Variants in EYS observed in about 807,000 individuals in gnomAD.
The protein encoded by EYS is protein eyes shut homolog.
EYS carries 250 observed loss-of-function variants against 282.1 expected under a neutral mutation model. The ratio of observed to expected loss-of-function variants is 0.89; its 90% CI spans 0.80 to 0.98. The LOEUF is 0.98. Ranked by LOEUF, EYS falls within the 50% of genes least tolerant of loss-of-function variation. The pLI is 0.00. For missense variants in EYS, 4,016 were observed against 3,709.0 expected, an observed-to-expected ratio of 1.08 and a Z score of -2.15; for synonymous variants, 1,355 against 1,282.9, an observed-to-expected ratio of 1.06 and a Z score of -1.20.
Position 63,884,350 on chromosome 6 carries a change from G to GT in EYS, c.7056-19993dup, listed in dbSNP as rs572830532. Among the ~76,000 whole-genome samples, 411 of 152,000 alleles carry GT rather than the reference G, an allele frequency of 2.7e-3. 2 individuals are homozygous for GT. Among genetic ancestry groups the GT allele is most frequent in the African/African-American group, 9.5e-3 (396 of 41,482 alleles). ...TTTTAGATGCAGCTGTCCTTTACTG[G>GT]TAACTTTTCACTTATTTTTAGTTTT... On this transcript the variant is annotated intron_variant, in intron 35 of 42. Transcript: ENST00000503581.
At chr6:64,037,376 A>G (rs1770172613) in intron 33 of EYS, among the ~76,000 whole-genome samples, 1 of 152,228 alleles carries the variant, frequency 6.6e-6, no homozygotes, top group African/African-American at 2.4e-5. Flanking sequence ...TACAATCTAG[A>G]AAACAAATAG....
chr6:63,885,855 T>A (rs941300751), intron 35 of EYS, among the ~76,000 whole-genome samples: 6 of 152,216 alleles, frequency 3.9e-5, no homozygotes, highest in African/African-American at 1.4e-4. Flanking sequence ...CTGTTGTAGA[T>A]GTAATCATTG....
intron 12 of EYS, among the ~76,000 whole-genome samples, chr6:65,184,993 T>A (rs999467742): frequency 3.3e-5 from 5 of 151,180 alleles, no homozygotes; most frequent in African/African-American, 1.2e-4. Context: ...TAAAAATAAA[T>A]TTGAAGTGGG....
chr6:64,509,404 C>T (rs756085329), intron 26 of EYS, among the ~76,000 whole-genome samples: 14 of 152,088 alleles, frequency 9.2e-5, no homozygotes, highest in Non-Finnish European at 1.5e-4. Context: ...CAGAATTCCT[C>T]GCACCTACTC....
intron 2 of EYS, among the ~76,000 whole-genome samples, chr6:65,499,487 A>T (rs1732159528): frequency 6.6e-6 from 1 of 151,954 alleles, no homozygotes; most frequent in African/African-American, 2.4e-5. Context: ...TTCATGTTTC[A>T]CTTCTTTAAG....
chr6:64,732,143 A>G (rs1481015246), intron 22 of EYS, among the ~76,000 whole-genome samples: 1 of 151,914 alleles, frequency 6.6e-6, no homozygotes, highest in Non-Finnish European at 1.5e-5. Flanking sequence ...GAGGAACATC[A>G]CACACTGGGG....
chr6:65,580,142 CT>C (rs1352788348), intron 2 of EYS, among the ~76,000 whole-genome samples: 1 of 152,038 alleles, frequency 6.6e-6, no homozygotes, highest in African/African-American at 2.4e-5. Context: ...AGAAAAATAT[CT>C]GTATCCTCAG....
At chr6:63,886,732 G>A (rs932250645) in intron 35 of EYS, among the ~76,000 whole-genome samples, 2 of 152,014 alleles carry the variant, frequency 1.3e-5, no homozygotes, top group African/African-American at 4.8e-5. Flanking sequence ...ACATTTTTGG[G>A]AGATGGCGAT....
intron 34 of EYS, among the ~76,000 whole-genome samples, chr6:63,987,421 A>C (rs942903211): frequency 6.6e-6 from 1 of 151,714 alleles, no homozygotes; most frequent in African/African-American, 2.4e-5. Context: ...AATGATGCTA[A>C]AATCAGTTTA....
chr6:64,263,884 GA>G (rs768610556), intron 30 of EYS, among the ~76,000 whole-genome samples: 70 of 152,082 alleles, frequency 4.6e-4, no homozygotes, highest in Non-Finnish European at 9.6e-4. Flanking sequence ...AAAAGAACAA[GA>G]TAAAGCCTGC....
At chr6:65,455,240 A>T (rs1304613) in intron 5 of EYS, among the ~76,000 whole-genome samples, 1 of 151,946 alleles carries the variant, frequency 6.6e-6, no homozygotes, top group African/African-American at 2.4e-5. Context: ...TGATTCTTAC[A>T]TATCTTATTT....
chr6:64,808,257 A>ACAATGT (rs974698103), intron 22 of EYS, among the ~76,000 whole-genome samples: 3 of 152,120 alleles, frequency 2.0e-5, no homozygotes, highest in Admixed American at 1.3e-4. Flanking sequence ...ACTGATGTAG[A>ACAATGT]CAATGTCATA....
chr6:65,108,531 G>A (rs1775112925), intron 12 of EYS, among the ~76,000 whole-genome samples: 5 of 152,058 alleles, frequency 3.3e-5, no homozygotes, highest in South Asian at 2.1e-4. Context: ...TTAAATGTGT[G>A]TTCATTTTCT....
intron 22 of EYS, among the ~76,000 whole-genome samples, chr6:64,690,825 G>GT (rs1293228177): frequency 1.3e-5 from 2 of 151,832 alleles, no homozygotes; most frequent in Non-Finnish European, 2.9e-5. Context: ...ACTGGGGCCT[G>GT]TCCTGGGGTG....
At chr6:64,497,092 G>T (rs1010384719) in intron 26 of EYS, among the ~76,000 whole-genome samples, 1 of 151,968 alleles carries the variant, frequency 6.6e-6, no homozygotes, top group Non-Finnish European at 1.5e-5. Flanking sequence ...ACTACTATTT[G>T]CCAGAAACCA....
At chr6:65,668,709 C>T (rs1768281074) in intron 1 of EYS, among the ~76,000 whole-genome samples, 1 of 151,836 alleles carries the variant, frequency 6.6e-6, no homozygotes, top group African/African-American at 2.4e-5. Context: ...TAAAGATTAC[C>T]TTTCAAGATC....
intron 36 of EYS, among the ~76,000 whole-genome samples, chr6:63,862,799 A>G (rs1347860858): frequency 6.6e-6 from 1 of 151,776 alleles, no homozygotes; most frequent in Non-Finnish European, 1.5e-5. Flanking sequence ...CTTTTTATAA[A>G]AATGACTTGG....
chr6:64,457,216 T>C (rs1253432236), intron 26 of EYS, among the ~76,000 whole-genome samples: 4 of 152,044 alleles, frequency 2.6e-5, no homozygotes, highest in South Asian at 4.1e-4. Context: ...TATACCACCA[T>C]GGTCGAAAAT....
chr6:64,095,174 C>T (rs1381816120), intron 31 of EYS, among the ~76,000 whole-genome samples: 1 of 152,062 alleles, frequency 6.6e-6, no homozygotes, highest in African/African-American at 2.4e-5. Flanking sequence ...TTACTTCCAA[C>T]CATGTGGTCA....
Sources: allele counts gnomAD v4.1 joint callset (sites outside exome capture counted in the v4.1 genomes callset), GRCh38; gene constraint gnomAD v4.1.1; transcripts MANE v1.5; gene names NCBI Gene and HGNC (gene_info 2026-07-23, HGNC 2026-07-21).